Variants in CEP83 observed in about 807,000 individuals in gnomAD.
The protein encoded by CEP83 is centrosomal protein 83.
In CEP83, 70 loss-of-function variants were observed where a neutral mutation model predicts 101.9. The ratio of observed to expected loss-of-function variants is 0.69; its 90% CI spans 0.57 to 0.84. The LOEUF (loss-of-function observed/expected upper bound fraction) is 0.84. CEP83 is among the 40% of genes least tolerant of loss of function. CEP83 has a pLI of 0.00. For synonymous variants in CEP83, 264 were observed against 267.9 expected (o/e 0.99, Z 0.14); for missense variants, 715 against 787.2 (o/e 0.91, Z 1.10).
chr12:94,459,209 T>G (rs1194405148), intron 1 of CEP83, among the ~76,000 whole-genome samples: 1 of 152,232 alleles, frequency 6.6e-6, no homozygotes, highest in African/African-American at 2.4e-5. Flanking sequence ...CAGCATATGC[T>G]AACATATTTT....
At chr12:94,327,863 G>T (rs1439310590) in intron 14 of CEP83, among the ~76,000 whole-genome samples, 1 of 152,182 alleles carries the variant, frequency 6.6e-6, no homozygotes, top group African/African-American at 2.4e-5. Flanking sequence ...GTCTAGCACA[G>T]TGGTTCTCAA....
At chr12:94,443,832 T>C (rs2066601197) in intron 1 of CEP83, among the ~76,000 whole-genome samples, 1 of 151,988 alleles carries the variant, frequency 6.6e-6, no homozygotes, top group South Asian at 2.1e-4. Flanking sequence ...CCCCTCCAGA[T>C]GCTTTATAAC....
Position 94,437,569 on chromosome 12 carries a change from G to A in CEP83, c.-154-2242C>T, listed in dbSNP as rs146781637. Among the ~76,000 whole-genome samples, 33 of 152,250 alleles carry A rather than the reference G, an allele frequency of 2.2e-4. 1 individual carries two copies. The East Asian group carries it at 6.4e-3, about 29-fold the overall frequency. On this transcript the variant is annotated intron_variant, in intron 1 of 16. Transcript: ENST00000397809. ...AAACCCTACAAGCTAGAAGGAATTG[G>A]GTCCTATCTTCAGTCTCTTTAAACA... is the stretch of plus-strand genomic sequence containing the variant.
chr12:94,296,479 ACCAAATG>A, the CEP83 span, among the ~76,000 whole-genome samples: 6 of 151,914 alleles, frequency 3.9e-5, no homozygotes, highest in African/African-American at 1.5e-4. Flanking sequence ...AAACAAACAA[ACCAAATG>A]CCTTACTTCC....
At chr12:94,268,588 CT>C in the CEP83 span, among the ~76,000 whole-genome samples, 1,132 of 90,858 alleles carry the variant, frequency 0.012, 18 homozygotes, top group African/African-American at 0.044. Flanking sequence ...AGAATAAGAC[CT>C]TTTTTTTTTT....
intron 6 of CEP83, among the ~76,000 whole-genome samples, chr12:94,383,818 T>C (rs928508246): frequency 3.3e-5 from 5 of 152,262 alleles, no homozygotes; most frequent in South Asian, 2.1e-4. Flanking sequence ...ATGTAACTTA[T>C]CATGGTCTAC....
intron 16 of CEP83, among the ~76,000 whole-genome samples, chr12:94,309,511 G>A (rs1179225528): frequency 6.6e-6 from 1 of 152,184 alleles, no homozygotes; most frequent in African/African-American, 2.4e-5. Flanking sequence ...ATTAGGAATA[G>A]TAATATCTGC....
At chr12:94,283,686 G>C in the CEP83 span, among the ~76,000 whole-genome samples, 1 of 152,196 alleles carries the variant, frequency 6.6e-6, no homozygotes, top group Non-Finnish European at 1.5e-5. Context: ...TGAAATCATA[G>C]GAAGTCAAAG....
chr12:94,424,873 T>C lies in CEP83; in HGVS notation c.-102+10402A>G, dbSNP rs932842193. 56 of 1,600,104 alleles carry C rather than the reference T, an allele frequency of 3.5e-5. No homozygotes were observed. In the Admixed American group the frequency reaches 8.8e-4, roughly 25 times the overall value. ...GTGTACTGTTGCTTGGGCTAGGTGG[T>C]GCCATCTGCTGAGCCAATGACACAT... On this transcript the variant is annotated intron_variant, in intron 2 of 16. Coordinates refer to ENST00000397809, the MANE Select transcript of CEP83 (RefSeq NM_016122.3).
At chr12:94,445,959 T>C (rs1016837183) in intron 1 of CEP83, among the ~76,000 whole-genome samples, 1 of 152,198 alleles carries the variant, frequency 6.6e-6, no homozygotes, top group African/African-American at 2.4e-5. Context: ...TACAAATTAT[T>C]GTAAAATGAA....
chr12:94,385,147 C>T (rs990514732), intron 6 of CEP83, among the ~76,000 whole-genome samples: 4 of 152,174 alleles, frequency 2.6e-5, no homozygotes, highest in Non-Finnish European at 5.9e-5. Context: ...GGTGGGAGGG[C>T]TTCTCATGAT....
intron 14 of CEP83, among the ~76,000 whole-genome samples, chr12:94,321,597 G>A (rs533136729): frequency 2.0e-4 from 30 of 152,284 alleles, no homozygotes; most frequent in African/African-American, 5.8e-4. Flanking sequence ...TGCCCAGGGA[G>A]GAGAAGTGAG....
intron 11 of CEP83, among the ~76,000 whole-genome samples, chr12:94,365,408 C>T (rs1038943314): frequency 1.3e-5 from 2 of 152,174 alleles, no homozygotes; most frequent in East Asian, 1.9e-4. Context: ...CAGGAATTCA[C>T]CCTGAAGATA....
intron 14 of CEP83, among the ~76,000 whole-genome samples, chr12:94,327,372 T>C (rs1160475723): frequency 6.6e-6 from 1 of 152,216 alleles, no homozygotes; most frequent in Non-Finnish European, 1.5e-5. Context: ...ATATAGCTTC[T>C]ACCTCTGTTC....
chr12:94,429,175 A>C (rs1031439233), intron 2 of CEP83, among the ~76,000 whole-genome samples: 1 of 152,202 alleles, frequency 6.6e-6, no homozygotes, highest in South Asian at 2.1e-4. Flanking sequence ...ACCTAAATCA[A>C]GGAAAGAGAG....
At position 94,392,420 on chromosome 12, in the gene CEP83, A is replaced by G. The variant is rs151232393; in HGVS notation, c.549+8430T>C. Reference sequence around the variant, plus strand: ...TAAATAACGAAATGAAGGCAGAAATAAAGATGTTCTTTGAAACCAATGAGA... The same window carrying G: ...TAAATAACGAAATGAAGGCAGAAATGAAGATGTTCTTTGAAACCAATGAGA... On this transcript the variant is annotated intron_variant, in intron 6 of 16. Coordinates refer to ENST00000397809, the MANE Select transcript of CEP83 (RefSeq NM_016122.3). Among the ~76,000 whole-genome samples the G allele has an allele frequency of 4.5e-3, 693 of 152,340 alleles. 8 individuals are homozygous for G. Among genetic ancestry groups the G allele is most frequent in the African/African-American group, 0.016 (673 of 41,586 alleles).
At chr12:94,393,650 A>C (rs1422912073) in intron 6 of CEP83, among the ~76,000 whole-genome samples, 1 of 152,232 alleles carries the variant, frequency 6.6e-6, no homozygotes, top group Non-Finnish European at 1.5e-5. Flanking sequence ...AAAGAAATAA[A>C]GGGTATTCAA....
intron 2 of CEP83, 84 bp from the exon 3 acceptor site, chr12:94,412,675 T>C: frequency 4.2e-6 from 2 of 474,720 alleles, no homozygotes; most frequent in South Asian, 3.7e-5. Flanking sequence ...TTATCACTTT[T>C]ATTATTCTTT....
At chr12:94,283,940 G>A in the CEP83 span, among the ~76,000 whole-genome samples, 4 of 152,128 alleles carry the variant, frequency 2.6e-5, no homozygotes, top group East Asian at 3.9e-4. Context: ...AAAATTAGCC[G>A]GGCATGGTGG....
Sources: gnomAD v4.1 joint callset for allele counts (sites outside exome capture counted in the v4.1 genomes callset) on GRCh38, gnomAD v4.1.1 for gene constraint, MANE v1.5 for transcripts, NCBI Gene and HGNC (gene_info 2026-07-23, HGNC 2026-07-21) for gene names.